The following NRG1 variants were observed in gnomAD, a reference collection of about 807,000 sequenced individuals.
The protein encoded by NRG1 is pro-neuregulin-1, membrane-bound isoform.
Under a neutral mutation model 63.8 loss-of-function variants are expected in NRG1, and 18 were observed. The ratio of observed to expected loss-of-function variants is 0.28; its 90% confidence interval spans 0.19 to 0.42. NRG1 has a LOEUF of 0.42. Among genes scored for constraint, NRG1 ranks in the 10% least tolerant of loss-of-function variants. The pLI is 1.00. For synonymous variants in NRG1, 302 were observed against 301.3 expected, an observed-to-expected ratio of 1.00 and a Z score of -0.02; for missense variants, 762 against 814.7, an observed-to-expected ratio of 0.94 and a Z score of 0.79.
chr8:32,763,205 T>G lies in NRG1; in HGVS notation c.1260-543T>G, dbSNP rs764620951. The G allele has an allele frequency of 1.1e-5, 17 of 1,612,830 alleles. No homozygotes were observed. The African/African-American group carries it at 1.5e-4, about 14-fold the overall frequency. On this transcript the variant is annotated intron_variant, in intron 11 of 11. Transcript: ENST00000356819. Reference sequence around the variant, plus strand: ...AATAAATCTAAGTTACTATGCTCTTTTTTTTTCATAAGACATAACCTTATA... The same window carrying G: ...AATAAATCTAAGTTACTATGCTCTTGTTTTTTCATAAGACATAACCTTATA...
At chr8:32,663,440 A>G (rs989497997) in intron 5 of NRG1, among the ~76,000 whole-genome samples, 2 of 152,166 alleles carry the variant, frequency 1.3e-5, no homozygotes, top group Non-Finnish European at 2.9e-5. Flanking sequence ...AGCACCATGT[A>G]TACTATAAGC....
intron 1 of NRG1, among the ~76,000 whole-genome samples, chr8:31,761,017 G>A (rs1213871744): frequency 7.9e-5 from 12 of 152,048 alleles, no homozygotes; most frequent in Non-Finnish European, 1.5e-4. Context: ...GTTTATTGCG[G>A]CACTATTCAC....
intron 1 of NRG1, among the ~76,000 whole-genome samples, chr8:32,227,143 T>A (rs1249286378): frequency 2.6e-5 from 4 of 152,184 alleles, no homozygotes; most frequent in Admixed American, 2.6e-4. Flanking sequence ...ATTTCAAGAA[T>A]TCCAACTGTG....
chr8:31,829,074 G>T (rs1426749472), intron 1 of NRG1, among the ~76,000 whole-genome samples: 1 of 152,128 alleles, frequency 6.6e-6, no homozygotes, highest in Non-Finnish European at 1.5e-5. Flanking sequence ...CGTAAACCCT[G>T]CTTTTGGGAA....
chr8:32,472,684 G>A (rs1824003538), intron 1 of NRG1, among the ~76,000 whole-genome samples: 1 of 152,192 alleles, frequency 6.6e-6, no homozygotes, highest in Non-Finnish European at 1.5e-5. Context: ...TTTAGGGCAA[G>A]TGTACTCTTC....
chr8:32,221,829 T>A (rs910973616), intron 1 of NRG1, among the ~76,000 whole-genome samples: 22 of 152,038 alleles, frequency 1.4e-4, no homozygotes, highest in Admixed American at 6.6e-5. Context: ...AGGAAAAAAA[T>A]TGAACATATA....
intron 1 of NRG1, among the ~76,000 whole-genome samples, chr8:32,219,380 C>T (rs1845576027): frequency 6.6e-6 from 1 of 152,178 alleles, no homozygotes; most frequent in Non-Finnish European, 1.5e-5. Context: ...AGTAAAGAGG[C>T]TGCTCATTAA....
At chr8:32,085,709 A>G (rs140530961) in intron 1 of NRG1, among the ~76,000 whole-genome samples, 2 of 152,336 alleles carry the variant, frequency 1.3e-5, no homozygotes, top group South Asian at 2.1e-4. Flanking sequence ...ACTACAACAT[A>G]TAATTTAAAC....
At chr8:32,469,128 G>T (rs1296770369) in intron 1 of NRG1, among the ~76,000 whole-genome samples, 3 of 152,170 alleles carry the variant, frequency 2.0e-5, no homozygotes, top group African/African-American at 4.8e-5. Context: ...GAATAACTCA[G>T]CCAACATCCC....
At chr8:31,946,517 A>G (rs1174037246) in intron 1 of NRG1, among the ~76,000 whole-genome samples, 1 of 152,236 alleles carries the variant, frequency 6.6e-6, no homozygotes, top group South Asian at 2.1e-4. Context: ...TGAAAAATCA[A>G]AGGATTAGAT....
At chr8:31,855,210 G>A (rs1487643523) in intron 1 of NRG1, among the ~76,000 whole-genome samples, 1 of 151,990 alleles carries the variant, frequency 6.6e-6, no homozygotes, top group African/African-American at 2.4e-5. Flanking sequence ...TTAACAGTGG[G>A]GTGTTAAAGT....
intron 1 of NRG1, among the ~76,000 whole-genome samples, chr8:31,747,738 C>A (rs1816036050): frequency 6.6e-6 from 1 of 151,888 alleles, no homozygotes; most frequent in Non-Finnish European, 1.5e-5. Context: ...TAACACAGGC[C>A]TCCCTGGAAT....
intron 3 of NRG1, among the ~76,000 whole-genome samples, chr8:32,606,658 CTTAT>C (rs1396080183): frequency 3.9e-5 from 6 of 151,938 alleles, no homozygotes; most frequent in Non-Finnish European, 5.9e-5. Context: ...ACCTTTAGTG[CTTAT>C]TTATTTATTT....
chr8:31,775,679 C>T (rs1586322010), intron 1 of NRG1, among the ~76,000 whole-genome samples: 2 of 151,974 alleles, frequency 1.3e-5, no homozygotes, highest in South Asian at 2.1e-4. Flanking sequence ...GTCAGGAGAT[C>T]GACACCATCC....
intron 5 of NRG1, among the ~76,000 whole-genome samples, chr8:32,722,475 T>C (rs1255215589): frequency 6.6e-6 from 1 of 152,170 alleles, no homozygotes; most frequent in Non-Finnish European, 1.5e-5. Flanking sequence ...CTACAGGAAA[T>C]ACTGTTTGAT....
At chr8:31,858,434 A>G (rs1289320888) in intron 1 of NRG1, among the ~76,000 whole-genome samples, 1 of 152,176 alleles carries the variant, frequency 6.6e-6, no homozygotes, top group Non-Finnish European at 1.5e-5. Context: ...AAATTAAAAA[A>G]TCATTATTTT....
intron 1 of NRG1, among the ~76,000 whole-genome samples, chr8:31,705,996 T>G (rs1811112604): frequency 6.6e-6 from 1 of 152,246 alleles, no homozygotes; most frequent in East Asian, 1.9e-4. Flanking sequence ...TAAAATATCT[T>G]ACATCTTCTC....
At chr8:32,521,468 C>A (rs1490601225) in intron 1 of NRG1, among the ~76,000 whole-genome samples, 3 of 151,966 alleles carry the variant, frequency 2.0e-5, no homozygotes, top group African/African-American at 4.8e-5. Context: ...GCTGGTTTAA[C>A]CGAGTTGAAT....
At chr8:32,333,754 A>G (rs1294716633) in intron 1 of NRG1, among the ~76,000 whole-genome samples, 2 of 152,202 alleles carry the variant, frequency 1.3e-5, no homozygotes, top group African/African-American at 4.8e-5. Context: ...ATATTTACAG[A>G]TACCTTGTGC....
Sources: gnomAD v4.1 joint callset for allele counts (sites outside exome capture counted in the v4.1 genomes callset) on GRCh38, gnomAD v4.1.1 for gene constraint, MANE v1.5 for transcripts, NCBI Gene and HGNC (gene_info 2026-07-23, HGNC 2026-07-21) for gene names.